CAMK2A: variants seen among roughly 807,000 people sequenced by gnomAD.
The protein encoded by CAMK2A is calcium/calmodulin dependent protein kinase II alpha, also known as calcium/calmodulin-dependent protein kinase type II subunit alpha.
In CAMK2A, 7 loss-of-function variants were observed where a neutral mutation model predicts 79.2. The ratio of observed to expected loss-of-function variants is 0.09; its 90% CI spans 0.05 to 0.17. The LOEUF (loss-of-function observed/expected upper bound fraction) is 0.17. CAMK2A is among the 10% of genes least tolerant of loss of function. The pLI is 1.00. For missense variants in CAMK2A, 214 were observed against 646.4 expected, an observed-to-expected ratio of 0.33 and a Z score of 7.25; for synonymous variants, 242 against 251.7, an observed-to-expected ratio of 0.96 and a Z score of 0.36.
rs143888905 is a variant in CAMK2A at position 150,275,099 on chromosome 5, A to G, written c.63-1940T>C. 2.7e-3 allele frequency among the ~76,000 whole-genome samples: 418 copies of G among 152,362 alleles called. 4 individuals are homozygous for G. The highest frequency in any genetic ancestry group is 9.8e-3 in the African/African-American group (407 of 41,586). On this transcript the variant is annotated intron_variant, in intron 1 of 18. Transcript: ENST00000671881. ...CTGTGCAGAAGGATGAGGAGGAAGG[A>G]GCCAGGATACGGACTAGAGACCAAG...
chr5:150,257,505 A>T, intron 4 of CAMK2A, 58 bp downstream of exon 4: 8 of 1,419,142 alleles, frequency 5.6e-6, no homozygotes, highest in Non-Finnish European at 7.8e-6. Flanking sequence ...CAGTGAGGCC[A>T]TCACTGGTTA....
chr5:150,232,425 C>T (rs1754883550), intron 15 of CAMK2A, among the ~76,000 whole-genome samples: 1 of 152,196 alleles, frequency 6.6e-6, no homozygotes, highest in East Asian at 1.9e-4. Flanking sequence ...TTCACTAATA[C>T]CCTGGGAGGT....
rs565355193 is a variant in CAMK2A at position 150,264,902 on chromosome 5, G to A, written c.217+54C>T. ...CCGCAAACACCCACGTGCCAGGGTG[G>A]GCAGGGGAGCAGGGCCTGGCTCCCC... On this transcript the variant is annotated intron_variant, in intron 3 of 18. Transcript: ENST00000671881. The A allele has an allele frequency of 6.4e-6, 9 of 1,407,340 alleles. No homozygotes were observed. The Admixed American group carries it at 1.5e-4, about 24-fold the overall frequency. 87.2% of individuals were successfully genotyped at this position (1,407,340 alleles called of 1,614,324 possible). A position where few individuals can be genotyped will look rare whatever the true frequency, so the allele number is the denominator to read the frequency against.
Position 150,221,111 on chromosome 5 carries a change from T to A in CAMK2A, c.*1599A>T. ...ATAATTCCGAGTCGGACACTGAGAA[T>A]ACAACCTCTATTTTTTTTTTTAGTC... On this transcript the variant is annotated 3_prime_UTR_variant, in exon 19 of 19. Transcript: ENST00000671881. 4.8e-6 allele frequency: 1 copy of A among 208,476 alleles called. No individual in the cohort carries two copies. Among genetic ancestry groups the A allele is most frequent in the Non-Finnish European group, 9.5e-6 (1 of 105,596 alleles). The allele number at this position is 208,476 out of a possible 1,614,324, so 12.9% of individuals were successfully genotyped here. A position where few individuals can be genotyped will look rare whatever the true frequency, so the allele number is the denominator to read the frequency against.
chr5:150,282,555 G>C (rs1163302482), intron 1 of CAMK2A, among the ~76,000 whole-genome samples: 1 of 152,234 alleles, frequency 6.6e-6, no homozygotes, highest in Non-Finnish European at 1.5e-5. Flanking sequence ...GAGGCCTCCA[G>C]GGGTAGGACA....
At chr5:150,264,773 G>A (rs907568319) in intron 3 of CAMK2A, among the ~76,000 whole-genome samples, 183 bp downstream of exon 3, 2 of 152,108 alleles carry the variant, frequency 1.3e-5, no homozygotes, top group African/African-American at 2.4e-5. Context: ...ACCTTCCCCC[G>A]AAACAAGCTG....
intron 2 of CAMK2A, among the ~76,000 whole-genome samples, chr5:150,270,596 C>T (rs1756707880): frequency 6.6e-6 from 1 of 152,062 alleles, no homozygotes; most frequent in Non-Finnish European, 1.5e-5. Flanking sequence ...ACCCCCCCTC[C>T]CCGCCCCCGA....
At chr5:150,225,737 GTTA>G (rs201656810) in intron 17 of CAMK2A, among the ~76,000 whole-genome samples, 9,208 of 44,364 alleles carry the variant, frequency 0.21, 924 homozygotes, top group African/African-American at 0.39. Context: ...GAATTCAATT[GTTA>G]TTATTATTAT....
chr5:150,261,934 T>C (rs545866297), intron 3 of CAMK2A, among the ~76,000 whole-genome samples: 8 of 152,350 alleles, frequency 5.3e-5, no homozygotes, highest in African/African-American at 1.9e-4. Context: ...ACTTCATCAC[T>C]GACCTACCAT....
intron 1 of CAMK2A, among the ~76,000 whole-genome samples, chr5:150,288,736 GA>G (rs1418883179): frequency 6.6e-6 from 1 of 152,068 alleles, no homozygotes; most frequent in East Asian, 1.9e-4. Context: ...CCCAGCTGGG[GA>G]CATCCAGGAA....
chr5:150,268,050 T>G (rs760863116), intron 2 of CAMK2A, among the ~76,000 whole-genome samples: 1 of 152,068 alleles, frequency 6.6e-6, no homozygotes, highest in African/African-American at 2.4e-5. Context: ...ATATTTTGTA[T>G]TTTTAGTAGA....
intron 2 of CAMK2A, among the ~76,000 whole-genome samples, chr5:150,270,976 C>T (rs959059): frequency 0.12 from 18,534 of 152,128 alleles, 2,462 homozygotes; most frequent in African/African-American, 0.33. Flanking sequence ...GGTGAACTAA[C>T]CCGAGATCCC....
chr5:150,269,957 G>A (rs888509131), intron 2 of CAMK2A, among the ~76,000 whole-genome samples: 31 of 152,160 alleles, frequency 2.0e-4, no homozygotes, highest in African/African-American at 7.5e-4. Flanking sequence ...TTGTCACTGG[G>A]GAGCCGAGGA....
intron 1 of CAMK2A, among the ~76,000 whole-genome samples, chr5:150,282,447 C>T (rs1757254553): frequency 2.0e-5 from 3 of 152,266 alleles, no homozygotes; most frequent in Admixed American, 2.0e-4. Context: ...AGGCAAGGGA[C>T]ATGCCAAGGG....
chr5:150,223,370 C>T lies in CAMK2A; in HGVS notation c.1238-153G>A, dbSNP rs1213593580. Among the ~76,000 whole-genome samples the T allele has an allele frequency of 2.6e-5, 4 of 152,192 alleles. No homozygotes were observed. The highest frequency in any genetic ancestry group is 2.4e-5 in the African/African-American group (1 of 41,448). The stretch of plus-strand genomic sequence containing the variant: ...GGCCTGTGTGGCAGGACTCAGCTAC[C>T]TGGGATCAAGGTAGAACTTCTAGAT... On this transcript the variant is annotated intron_variant, in intron 17 of 18. Coordinates refer to ENST00000671881, the MANE Select transcript of CAMK2A (RefSeq NM_015981.4). The surrounding 1 kb of genome is among the most constrained non-coding windows in gnomAD (Gnocchi z 4.1).
chr5:150,222,864 G>T, intron 18 of CAMK2A, 125 bp downstream of exon 18: 2 of 1,387,266 alleles, frequency 1.4e-6, no homozygotes, highest in Non-Finnish European at 2.0e-6. Context: ...CCCTTCTTGG[G>T]GTCTCCCCAC....
At chr5:150,232,782 C>T (rs1754903323) in intron 15 of CAMK2A, among the ~76,000 whole-genome samples, 1 of 152,228 alleles carries the variant, frequency 6.6e-6, no homozygotes, top group Non-Finnish European at 1.5e-5. Flanking sequence ...CCACACCACC[C>T]CACACAGGAG....
At chr5:150,257,671 C>A in intron 3 of CAMK2A, 54 bp from the exon 4 acceptor site, 1 of 1,385,956 alleles carries the variant, frequency 7.2e-7, no homozygotes, top group Non-Finnish European at 1.0e-6. Flanking sequence ...TGCACAGGCC[C>A]GCCCTCCCTC....
At position 150,256,335 on chromosome 5, in the gene CAMK2A, T is replaced by C. The variant is rs987164709; in HGVS notation, c.411+238A>G. Among the ~76,000 whole-genome samples, 6 of 152,202 alleles carry C rather than the reference T, an allele frequency of 3.9e-5. No individual in the cohort carries two copies. Among genetic ancestry groups the C allele is most frequent in the Admixed American group, 3.9e-4 (6 of 15,274 alleles). ...CAGTATAACTGCAGCTCACCCATCCTGGCACAAAGCATGTGGGCTGGGAGT... is the reference window on the plus strand; with the variant it reads ...CAGTATAACTGCAGCTCACCCATCCCGGCACAAAGCATGTGGGCTGGGAGT... On this transcript the variant is annotated intron_variant, in intron 6 of 18. Coordinates refer to ENST00000671881, the MANE Select transcript of CAMK2A (RefSeq NM_015981.4). This position sits in a 1 kb window ranked among gnomAD's most constrained non-coding sequence, Gnocchi z 4.6.
Sources: allele counts gnomAD v4.1 joint callset (sites outside exome capture counted in the v4.1 genomes callset), GRCh38; gene constraint gnomAD v4.1.1; non-coding constraint Gnocchi (gnomAD v3.1); transcripts MANE v1.5; gene names NCBI Gene and HGNC (gene_info 2026-07-23, HGNC 2026-07-21).